The following ELL2 variants were observed in gnomAD, a reference collection of about 807,000 sequenced individuals.
ELL2 encodes RNA polymerase II elongation factor ELL2.
In ELL2, 21 loss-of-function variants were observed where a neutral mutation model predicts 72.8. The ratio of observed to expected loss-of-function variants is 0.29; its 90% CI spans 0.20 to 0.42. ELL2 has a LOEUF of 0.42. Among genes scored for constraint, ELL2 ranks in the 10% least tolerant of loss-of-function variants. The pLI is 1.00. For missense variants in ELL2, 568 were observed against 772.8 expected, an observed-to-expected ratio of 0.73 and a Z score of 3.14; for synonymous variants, 266 against 283.2, an observed-to-expected ratio of 0.94 and a Z score of 0.61.
chr5:95,906,408 A>T, intron 5 of ELL2, 115 bp downstream of exon 5: 7 of 1,191,416 alleles, frequency 5.9e-6, no homozygotes, highest in African/African-American at 1.5e-5. Flanking sequence ...ACTGATCAAA[A>T]TAATCCTAAA....
intron 2 of ELL2, among the ~76,000 whole-genome samples, chr5:95,929,155 C>A (rs935924802): frequency 1.3e-5 from 2 of 152,116 alleles, no homozygotes; most frequent in South Asian, 2.1e-4. Context: ...AGGCGCTCAT[C>A]GCTATTGCTG....
intron 1 of ELL2, among the ~76,000 whole-genome samples, chr5:95,960,975 C>T (rs968414875): frequency 6.6e-6 from 1 of 151,938 alleles, no homozygotes; most frequent in Non-Finnish European, 1.5e-5. Context: ...ACACCGTGTG[C>T]CCCTCACCAT....
intron 3 of ELL2, among the ~76,000 whole-genome samples, chr5:95,917,140 T>G (rs1224880591): frequency 6.6e-6 from 1 of 152,224 alleles, no homozygotes; most frequent in African/African-American, 2.4e-5. Context: ...TTCCTTCGCT[T>G]AAGTGTGCAT....
intron 2 of ELL2, among the ~76,000 whole-genome samples, chr5:95,930,217 A>T (rs1750547023): frequency 6.6e-6 from 1 of 152,238 alleles, no homozygotes; most frequent in Non-Finnish European, 1.5e-5. Flanking sequence ...ATGAATCGCA[A>T]CTTCCAATTC....
intron 1 of ELL2, among the ~76,000 whole-genome samples, chr5:95,949,412 C>T (rs1751291275): frequency 6.6e-6 from 1 of 152,028 alleles, no homozygotes; most frequent in Non-Finnish European, 1.5e-5. Context: ...TACAAATATA[C>T]AAGCAAGAAA....
Position 95,961,716 on chromosome 5 carries a change from C to A in ELL2, c.6G>T (p.Ala2=). The change falls in exon 1 of 12, where the codon GCG becomes GCT. Residue 2 remains alanine, a synonymous_variant. Transcript: ENST00000237853. M[A]AGGTGGLREE... ...CCCGCAGGCCCCCTGTCCCCCCCGC[C>A]GCCATCTTAAACTCCCCGGGGTGCC... 6.2e-7 allele frequency: 1 copy of A among 1,604,734 alleles called. No homozygotes were observed. Among genetic ancestry groups the A allele is most frequent in the Non-Finnish European group, 8.5e-7 (1 of 1,176,944 alleles).
At chr5:95,912,907 A>G (rs142495625) in intron 4 of ELL2, among the ~76,000 whole-genome samples, 2 of 152,326 alleles carry the variant, frequency 1.3e-5, no homozygotes, top group African/African-American at 4.8e-5. Flanking sequence ...GTTCTTCAAG[A>G]GACTTTCTGT....
At chr5:95,899,943 A>G (rs1478693354) in intron 7 of ELL2, among the ~76,000 whole-genome samples, 4 of 152,090 alleles carry the variant, frequency 2.6e-5, no homozygotes, top group African/African-American at 9.7e-5. Flanking sequence ...GGGTATGCTT[A>G]GTGTTCTCCA....
At chr5:95,948,336 A>T (rs1751247194) in intron 1 of ELL2, among the ~76,000 whole-genome samples, 1 of 147,902 alleles carries the variant, frequency 6.8e-6, no homozygotes, top group Non-Finnish European at 1.5e-5. Flanking sequence ...AGGCTGAGGC[A>T]GGAGAATGGC....
rs1187881368 is a variant in ELL2 at position 95,948,429 on chromosome 5, CAAAAAAAAAAA to C, written c.148-5391_148-5381del. On this transcript the variant is annotated intron_variant, in intron 1 of 11. Transcript: ENST00000237853. ...TGGGCAACAGAGCGAGACTCCGCCT[CAAAAAAAAAAA>C]AAAAAAAAAAAAAGCCACAGGAAGA... Among the ~76,000 whole-genome samples, 35 of 35,232 alleles carry C rather than the reference CAAAAAAAAAAA, an allele frequency of 9.9e-4. 1 individual carries two copies. The highest frequency in any genetic ancestry group is 4.1e-3 in the African/African-American group (34 of 8,274). The allele number at this position is 35,232 out of a possible 152,430, so 23.1% of individuals were successfully genotyped here.
intron 1 of ELL2, among the ~76,000 whole-genome samples, chr5:95,946,870 C>T (rs144123142): frequency 6.6e-6 from 1 of 152,272 alleles, no homozygotes; most frequent in African/African-American, 2.4e-5. Flanking sequence ...CTCAATGTTT[C>T]AATGTCTTCA....
In ELL2 at chr5:95,961,677, A is replaced by G; in HGVS notation, c.45T>C (p.Tyr15=). 6.2e-7 allele frequency: 1 copy of G among 1,607,102 alleles called. No homozygotes were observed. The highest frequency in any genetic ancestry group is 8.5e-7 in the Non-Finnish European group (1 of 1,177,602). ...GTGGLREEQR[Y]GLSCGRLGQD... is the part of the protein sequence containing the mutation. ...GCCCCAGCCGTCCGCACGACAGCCC[A>G]TAGCGCTGCTCCTCCCGCAGGCCCC... is the stretch of plus-strand genomic sequence containing the variant. The change falls in exon 1 of 12, where the codon TAT becomes TAC. Residue 15 remains tyrosine, a synonymous_variant. Transcript: ENST00000237853.
chr5:95,927,389 ATATATAGACATACACACACGTGTG>A (rs1156553845), intron 2 of ELL2, among the ~76,000 whole-genome samples: 4,076 of 42,300 alleles, frequency 0.096, 1,049 homozygotes, highest in African/African-American at 0.12. Flanking sequence ...ACACGTGTGT[ATATATAGACATACACACACGTGTG>A]TATATAGACA....
intron 1 of ELL2, among the ~76,000 whole-genome samples, chr5:95,948,453 A>AAAAAAAAAAAAAAAG (rs1751258288): frequency 6.9e-6 from 1 of 144,982 alleles, no homozygotes; most frequent in African/African-American, 2.6e-5. Flanking sequence ...AAAAAAAAAA[A>AAAAAAAAAAAAAAAG]GCCACAGGAA....
chr5:95,925,890 T>C (rs1484799976), intron 2 of ELL2, among the ~76,000 whole-genome samples: 3 of 152,218 alleles, frequency 2.0e-5, no homozygotes, highest in Admixed American at 1.3e-4. Context: ...ATAGACTATA[T>C]ATTAGCTTAG....
rs1245360415 is a variant in ELL2 at position 95,939,827 on chromosome 5, C to T, written c.195+3175G>A. Among the ~76,000 whole-genome samples, 3 of 152,148 alleles carry T rather than the reference C, an allele frequency of 2.0e-5. No individual in the cohort carries two copies. The East Asian group carries it at 5.8e-4, about 29-fold the overall frequency. ...AAATGTTGCTTTTGGAAATTGGGTG[C>T]ATTATACCATTATACCCCTCTGAAT... is the stretch of plus-strand genomic sequence containing the variant. On this transcript the variant is annotated intron_variant, in intron 2 of 11. Coordinates refer to ENST00000237853, the MANE Select transcript of ELL2 (RefSeq NM_012081.6).
chr5:95,940,266 T>C (rs1487071372), intron 2 of ELL2, among the ~76,000 whole-genome samples: 3 of 152,208 alleles, frequency 2.0e-5, no homozygotes, highest in African/African-American at 7.2e-5. Context: ...ATCCAGGTAA[T>C]CAATGACTTT....
intron 1 of ELL2, among the ~76,000 whole-genome samples, chr5:95,949,479 C>T (rs979584279): frequency 2.0e-5 from 3 of 152,004 alleles, no homozygotes; most frequent in African/African-American, 7.2e-5. Flanking sequence ...AGAGATCTTT[C>T]CAACTTTATT....
chr5:95,918,775 T>C (rs532665881), intron 3 of ELL2, among the ~76,000 whole-genome samples: 7 of 151,990 alleles, frequency 4.6e-5, no homozygotes, highest in Non-Finnish European at 8.8e-5. Flanking sequence ...ACCAAAGCAA[T>C]GAAGAGTGAA....
Sources: gnomAD v4.1 joint callset for allele counts (sites outside exome capture counted in the v4.1 genomes callset) on GRCh38, gnomAD v4.1.1 for gene constraint, MANE v1.5 for transcripts, NCBI Gene and HGNC (gene_info 2026-07-23, HGNC 2026-07-21) for gene names.